Variants in IRAK2 observed in about 807,000 individuals in gnomAD.
The protein encoded by IRAK2 is interleukin 1 receptor associated kinase 2.
A neutral mutation model predicts 72.0 loss-of-function variants in IRAK2; 57 were observed. The observed-to-expected ratio is 0.79, with a 90% CI of 0.64 to 0.99. The LOEUF (loss-of-function observed/expected upper bound fraction) is 0.99, where lower values mean the gene tolerates loss of function less well. Among genes scored for constraint, IRAK2 ranks in the 50% least tolerant of loss-of-function variants. IRAK2 has a pLI of 0.00. For synonymous variants in IRAK2, 293 were observed against 312.7 expected, an observed-to-expected ratio of 0.94 and a Z score of 0.67; for missense variants, 790 against 794.4, an observed-to-expected ratio of 0.99 and a Z score of 0.07.
intron 9 of IRAK2, among the ~76,000 whole-genome samples, chr3:10,223,217 A>G (rs1296186155): frequency 6.6e-6 from 1 of 152,052 alleles, no homozygotes; most frequent in African/African-American, 2.4e-5. Context: ...CGTAATTCCC[A>G]TCCAGCCATC....
rs919121710 is a variant in IRAK2 at position 10,242,392 on chromosome 3, A to C, written c.*164A>C. On this transcript the variant is annotated 3_prime_UTR_variant, in exon 13 of 13. Coordinates refer to ENST00000256458, the MANE Select transcript of IRAK2 (RefSeq NM_001570.4). ...TCATTTCACTGGAATGAGTTGGGAG[A>C]GAAAGGCCCTCAGCTTTTAGAGACA... 1 of 465,676 alleles carries C rather than the reference A, an allele frequency of 2.1e-6. No individual in the cohort carries two copies. Among genetic ancestry groups the C allele is most frequent in the Non-Finnish European group, 3.8e-6 (1 of 261,928 alleles). The allele number at this position is 465,676 out of a possible 1,614,324, so 28.8% of individuals were successfully genotyped here. A position where few individuals can be genotyped will look rare whatever the true frequency, so the allele number is the denominator to read the frequency against.
At chr3:10,192,862 T>A (rs1208573399) in intron 2 of IRAK2, among the ~76,000 whole-genome samples, 1 of 152,186 alleles carries the variant, frequency 6.6e-6, no homozygotes, top group Non-Finnish European at 1.5e-5. Context: ...GAAGTTGTAA[T>A]GAGCAGAGAT....
intron 4 of IRAK2, 103 bp from the exon 5 acceptor site, chr3:10,213,104 T>C: frequency 2.1e-6 from 2 of 958,794 alleles, no homozygotes; most frequent in South Asian, 1.5e-5. Flanking sequence ...TTGGATAAGT[T>C]GATCCCCTCC....
chr3:10,204,911 C>A (rs1216427918), intron 3 of IRAK2, among the ~76,000 whole-genome samples: 8 of 152,134 alleles, frequency 5.3e-5, no homozygotes, highest in Admixed American at 4.6e-4. Flanking sequence ...TATGTAGAAG[C>A]CCCAAGCCCC....
chr3:10,199,310 G>A (rs763491213), intron 2 of IRAK2, among the ~76,000 whole-genome samples: 12 of 152,296 alleles, frequency 7.9e-5, no homozygotes, highest in East Asian at 3.9e-4. Flanking sequence ...GATTACCCTC[G>A]AGAAGGCAGG....
intron 1 of IRAK2, among the ~76,000 whole-genome samples, chr3:10,174,522 T>C (rs993869851): frequency 3.3e-5 from 5 of 152,058 alleles, no homozygotes; most frequent in Admixed American, 6.6e-5. Context: ...ATTTTTTTGT[T>C]TTGTTTTGTT....
rs190984441 is a variant in IRAK2, at chr3:10,177,017, G to T, written c.95-821G>T. Among the ~76,000 whole-genome samples, 1,001 of 152,048 alleles carry T rather than the reference G, an allele frequency of 6.6e-3. 14 individuals are homozygous for T. The highest frequency in any genetic ancestry group is 0.021 in the South Asian group (103 of 4,818). Reference sequence around the variant, plus strand: ...AGGGTTTCACCGTGTTAGCCAGGATGGTCTTGATCTCCTGACCTTGTGGTC... The same window carrying T: ...AGGGTTTCACCGTGTTAGCCAGGATTGTCTTGATCTCCTGACCTTGTGGTC... On this transcript the variant is annotated intron_variant, in intron 1 of 12. Transcript: ENST00000256458.
At chr3:10,180,728 TG>T (rs1165444267) in intron 2 of IRAK2, among the ~76,000 whole-genome samples, 1 of 151,718 alleles carries the variant, frequency 6.6e-6, no homozygotes, top group Admixed American at 6.6e-5. Context: ...GGCCTGAGGG[TG>T]GGGGCCTAGA....
intron 11 of IRAK2, among the ~76,000 whole-genome samples, chr3:10,237,350 A>G (rs140398179): frequency 6.6e-6 from 1 of 152,324 alleles, no homozygotes; most frequent in East Asian, 1.9e-4. Context: ...AGCTGGGAAG[A>G]TGAAAGAACA....
chr3:10,232,578 C>T (rs761447145), intron 10 of IRAK2, among the ~76,000 whole-genome samples: 1 of 152,116 alleles, frequency 6.6e-6, no homozygotes, highest in Non-Finnish European at 1.5e-5. Context: ...TCCCCCAACC[C>T]CTGTTTAAAC....
chr3:10,167,733 G>C (rs1326521507), intron 1 of IRAK2, among the ~76,000 whole-genome samples: 1 of 152,038 alleles, frequency 6.6e-6, no homozygotes, highest in Non-Finnish European at 1.5e-5. Context: ...TTTATTGTAG[G>C]ATAATGTTCC....
intron 2 of IRAK2, among the ~76,000 whole-genome samples, chr3:10,198,570 A>T (rs1697308262): frequency 6.6e-6 from 1 of 152,264 alleles, no homozygotes; most frequent in South Asian, 2.1e-4. Context: ...AATATACTCA[A>T]AAATAAAATG....
At chr3:10,172,697 G>T (rs1459466808) in intron 1 of IRAK2, among the ~76,000 whole-genome samples, 1 of 149,964 alleles carries the variant, frequency 6.7e-6, no homozygotes, top group African/African-American at 2.5e-5. Context: ...AATTAGCTGG[G>T]CATGGTGGCA....
Position 10,179,502 on chromosome 3 carries a change from C to T in IRAK2, c.277+1482C>T, listed in dbSNP as rs542853790. On this transcript the variant is annotated intron_variant, in intron 2 of 12. Coordinates refer to ENST00000256458, the MANE Select transcript of IRAK2 (RefSeq NM_001570.4). ...AGGCTGGAGTGCAGTGGTGAGATCT[C>T]GGCTCATTGCAGCCTCTGCCTCCTG... 6.0e-5 allele frequency among the ~76,000 whole-genome samples: 9 copies of T among 149,774 alleles called. No homozygotes were observed. The South Asian group carries it at 1.1e-3, about 18-fold the overall frequency.
At chr3:10,227,576 G>C (rs1697799269) in intron 10 of IRAK2, among the ~76,000 whole-genome samples, 1 of 152,110 alleles carries the variant, frequency 6.6e-6, no homozygotes. Flanking sequence ...AGGAAAGCTG[G>C]CTCTGAGTTT....
intron 10 of IRAK2, among the ~76,000 whole-genome samples, chr3:10,232,332 G>C (rs1264853542): frequency 2.0e-5 from 3 of 152,158 alleles, no homozygotes; most frequent in Non-Finnish European, 2.9e-5. Flanking sequence ...TTGGCAGTTA[G>C]CACTTGTGAC....
chr3:10,223,325 C>T (rs151040447), intron 9 of IRAK2, among the ~76,000 whole-genome samples: 53 of 152,276 alleles, frequency 3.5e-4, no homozygotes, highest in African/African-American at 1.2e-3. Flanking sequence ...GACCACTGAC[C>T]CACCCAGCAT....
chr3:10,223,627 A>G (rs1429237863), intron 9 of IRAK2, among the ~76,000 whole-genome samples: 1 of 152,232 alleles, frequency 6.6e-6, no homozygotes, highest in Non-Finnish European at 1.5e-5. Context: ...TTAATCTGGT[A>G]CTTGTGAATT....
intron 7 of IRAK2, among the ~76,000 whole-genome samples, chr3:10,218,727 A>T (rs978290889): frequency 6.6e-5 from 10 of 152,200 alleles, no homozygotes; most frequent in Non-Finnish European, 1.3e-4. Context: ...GTGCTATGCT[A>T]GGGGTATACC....
Sources: gnomAD v4.1 joint callset for allele counts (sites outside exome capture counted in the v4.1 genomes callset) on GRCh38, gnomAD v4.1.1 for gene constraint, MANE v1.5 for transcripts, NCBI Gene and HGNC (gene_info 2026-07-23, HGNC 2026-07-21) for gene names.